ANKS1B: variants seen among roughly 807,000 people sequenced by gnomAD.
ANKS1B encodes the protein ankyrin repeat and sterile alpha motif domain containing 1B, also known as ankyrin repeat and sterile alpha motif domain-containing protein 1B.
In ANKS1B, 36 loss-of-function variants were observed where a neutral mutation model predicts 148.3. The ratio of observed to expected loss-of-function variants is 0.24; its 90% CI spans 0.19 to 0.32. The LOEUF (loss-of-function observed/expected upper bound fraction) is 0.32, where lower values mean the gene tolerates loss of function less well. ANKS1B is among the 10% of genes least tolerant of loss of function. The pLI, the probability that ANKS1B is intolerant of heterozygous loss-of-function variation, is 1.00. For missense variants in ANKS1B, 1,157 were observed against 1,542.6 expected, an observed-to-expected ratio of 0.75 and a Z score of 4.19; for synonymous variants, 542 against 560.8, an observed-to-expected ratio of 0.97 and a Z score of 0.47.
chr12:99,553,377 T>A (rs2153174185), intron 9 of ANKS1B, among the ~76,000 whole-genome samples: 1 of 152,256 alleles, frequency 6.6e-6, no homozygotes, highest in South Asian at 2.1e-4. Context: ...TCATTTAAGG[T>A]CCTTAGATGA....
chr12:99,865,881 T>C (rs2090675797), intron 1 of ANKS1B, among the ~76,000 whole-genome samples: 1 of 152,090 alleles, frequency 6.6e-6, no homozygotes, highest in African/African-American at 2.4e-5. Context: ...CTTATTTCAT[T>C]TTAGAGAATT....
intron 9 of ANKS1B, among the ~76,000 whole-genome samples, chr12:99,644,053 C>T (rs2098335478): frequency 6.6e-6 from 1 of 152,054 alleles, no homozygotes; most frequent in South Asian, 2.1e-4. Flanking sequence ...TATCTCTTTC[C>T]TCCTCCCACA....
intron 12 of ANKS1B, among the ~76,000 whole-genome samples, chr12:99,301,139 G>C (rs2081542322): frequency 6.6e-6 from 1 of 152,198 alleles, no homozygotes; most frequent in Non-Finnish European, 1.5e-5. Context: ...AGCTCAAGAA[G>C]AGAGCAAATT....
chr12:99,520,614 T>C (rs562837311), intron 9 of ANKS1B, among the ~76,000 whole-genome samples: 4 of 152,324 alleles, frequency 2.6e-5, no homozygotes, highest in African/African-American at 9.6e-5. Flanking sequence ...GATATCTTTC[T>C]CTAGATTTGG....
chr12:98,916,896 T>C (rs2152879818), intron 17 of ANKS1B, among the ~76,000 whole-genome samples: 1 of 152,298 alleles, frequency 6.6e-6, no homozygotes, highest in East Asian at 1.9e-4. Flanking sequence ...TATGTGTCTT[T>C]ATTATATATA....
chr12:99,481,787 T>G (rs1446051056), intron 10 of ANKS1B, among the ~76,000 whole-genome samples: 1 of 152,054 alleles, frequency 6.6e-6, no homozygotes. Flanking sequence ...GCTGAACATT[T>G]TTTTCATATG....
chr12:98,800,711 CCATTTT>C (rs1016509718), intron 21 of ANKS1B, among the ~76,000 whole-genome samples: 5 of 113,546 alleles, frequency 4.4e-5, no homozygotes, highest in Admixed American at 8.2e-5. Flanking sequence ...ACACTCATTT[CCATTTT>C]AAGATTGTAC....
At chr12:99,898,855 GACA>G (rs999964726) in intron 1 of ANKS1B, among the ~76,000 whole-genome samples, 20 of 152,026 alleles carry the variant, frequency 1.3e-4, no homozygotes, top group African/African-American at 3.1e-4. Flanking sequence ...TGATGATGAC[GACA>G]ACAACAACAA....
chr12:99,955,322 G>A lies in ANKS1B; in HGVS notation c.134+28782C>T, dbSNP rs371858800. On this transcript the variant is annotated intron_variant, in intron 1 of 26. Transcript: ENST00000683438. ...ATCCTGGCTGACACGGTGAAACCCC[G>A]TCTCTACTAAAAATACAAAAATTAG... Among the ~76,000 whole-genome samples the A allele has an allele frequency of 3.1e-4, 47 of 151,540 alleles. No individual in the cohort carries two copies. In the East Asian group the frequency reaches 3.5e-3, roughly 11 times the overall value.
chr12:99,778,104 G>A (rs1277833012), intron 6 of ANKS1B, among the ~76,000 whole-genome samples: 6 of 152,110 alleles, frequency 3.9e-5, no homozygotes, highest in Middle Eastern at 6.8e-3. Flanking sequence ...GGAGGCTGAG[G>A]CAGGAGAATG....
At chr12:99,024,439 G>T (rs997487210) in intron 17 of ANKS1B, among the ~76,000 whole-genome samples, 4 of 152,218 alleles carry the variant, frequency 2.6e-5, no homozygotes, top group African/African-American at 9.6e-5. Context: ...TTCCTGCTGT[G>T]CAAACAATGA....
intron 11 of ANKS1B, among the ~76,000 whole-genome samples, chr12:99,436,256 T>C (rs1442172805): frequency 1.3e-5 from 2 of 152,030 alleles, no homozygotes; most frequent in Non-Finnish European, 2.9e-5. Flanking sequence ...TTAGCATTAA[T>C]GGAAAAACTA....
chr12:99,304,057 T>C (rs994851487), intron 12 of ANKS1B, among the ~76,000 whole-genome samples: 1 of 152,186 alleles, frequency 6.6e-6, no homozygotes, highest in Non-Finnish European at 1.5e-5. Context: ...TGATTGCGAA[T>C]TGTGCTGCTA....
chr12:99,581,653 G>A (rs1402411930), intron 9 of ANKS1B, among the ~76,000 whole-genome samples: 1 of 152,096 alleles, frequency 6.6e-6, no homozygotes, highest in Non-Finnish European at 1.5e-5. Context: ...CACTTTGGGA[G>A]GCCGAGGCGG....
chr12:99,586,323 A>T (rs2097639357), intron 9 of ANKS1B, among the ~76,000 whole-genome samples: 1 of 152,144 alleles, frequency 6.6e-6, no homozygotes, highest in Non-Finnish European at 1.5e-5. Flanking sequence ...AGCAAGAGTG[A>T]CCTTTACTCC....
chr12:98,777,485 G>A (rs553103316), intron 24 of ANKS1B, among the ~76,000 whole-genome samples: 2 of 152,058 alleles, frequency 1.3e-5, no homozygotes, highest in Non-Finnish European at 2.9e-5. Context: ...GTCTCCTCTC[G>A]GAAGACCTCC....
At chr12:99,899,941 C>G (rs1196137929) in intron 1 of ANKS1B, among the ~76,000 whole-genome samples, 1 of 151,698 alleles carries the variant, frequency 6.6e-6, no homozygotes, top group Non-Finnish European at 1.5e-5. Context: ...CTTTGTCGCC[C>G]AGGCTGGAGT....
At chr12:99,498,604 A>G (rs2096626283) in intron 10 of ANKS1B, among the ~76,000 whole-genome samples, 1 of 152,128 alleles carries the variant, frequency 6.6e-6, no homozygotes, top group South Asian at 2.1e-4. Flanking sequence ...CTTAATTTTA[A>G]CACATTCTAA....
chr12:99,095,182 G>A (rs2055553174), intron 15 of ANKS1B, among the ~76,000 whole-genome samples: 1 of 152,168 alleles, frequency 6.6e-6, no homozygotes, highest in Non-Finnish European at 1.5e-5. Flanking sequence ...AAATGAAAAT[G>A]TTCAGACTCC....
Sources: allele counts gnomAD v4.1 joint callset (sites outside exome capture counted in the v4.1 genomes callset), GRCh38; gene constraint gnomAD v4.1.1; transcripts MANE v1.5; gene names NCBI Gene and HGNC (gene_info 2026-07-23, HGNC 2026-07-21).